Variants in TMEM259 observed in about 807,000 individuals in gnomAD.
TMEM259 encodes the protein membralin.
Under a neutral mutation model 46.7 loss-of-function variants are expected in TMEM259, and 26 were observed. The observed-to-expected ratio is 0.56, with a 90% CI of 0.41 to 0.77. The LOEUF (loss-of-function observed/expected upper bound fraction) is 0.77. TMEM259 is among the 30% of genes least tolerant of loss of function. The pLI, the probability that TMEM259 is intolerant of heterozygous loss-of-function variation, is 0.00. For missense variants in TMEM259, 930 were observed against 900.5 expected (o/e 1.03, Z -0.42); for synonymous variants, 494 against 395.1 (o/e 1.25, Z -2.97).
In TMEM259 at chr19:1,013,311, G is replaced by C; in HGVS notation, c.537C>G (p.Phe179Leu). The C allele has an allele frequency of 6.2e-7, 1 of 1,613,750 alleles. No homozygotes were observed. The highest frequency in any genetic ancestry group is 8.5e-7 in the Non-Finnish European group (1 of 1,179,806). The change falls in exon 3 of 11, where the codon TTC becomes TTG. Residue 179 changes from phenylalanine (F) to leucine (L), a missense_variant. Physicochemically the swap from Phe to Leu is conservative, Grantham distance 22 (BLOSUM62 0). Coordinates refer to ENST00000356663, the MANE Select transcript of TMEM259 (RefSeq NM_001033026.2). ...KFELDIEPKV[F>L]KPPSSTEALN... Reference sequence around the variant, plus strand: ...GGGCCTCTGTGCTACTCGGCGGCTTGAACACCTTGGGCTCGATGTCCAGCT... The same window carrying C: ...GGGCCTCTGTGCTACTCGGCGGCTTCAACACCTTGGGCTCGATGTCCAGCT...
chr19:1,016,186 G>A (rs982199208), intron 1 of TMEM259, among the ~76,000 whole-genome samples: 4 of 152,064 alleles, frequency 2.6e-5, no homozygotes, highest in Non-Finnish European at 4.4e-5. Flanking sequence ...AGACGCCGGA[G>A]CTACAAATGA....
Position 1,012,586 on chromosome 19 carries a change from AC to A in TMEM259, c.608-14del. 2 of 1,563,728 alleles carry A rather than the reference AC, an allele frequency of 1.3e-6. No homozygotes were observed. The highest frequency in any genetic ancestry group is 1.7e-6 in the Non-Finnish European group (2 of 1,154,746). On this transcript the variant is annotated splice_polypyrimidine_tract_variant and intron_variant, in intron 3 of 10. Coordinates refer to ENST00000356663, the MANE Select transcript of TMEM259 (RefSeq NM_001033026.2). Reference sequence around the variant, plus strand: ...TCCTGCGGCCACACTGCAGGGCAGAACCAGGGACCAGGTCAGCGCCCCCACA... The same window carrying A: ...TCCTGCGGCCACACTGCAGGGCAGAACAGGGACCAGGTCAGCGCCCCCACA...
chr19:1,010,803 C>A lies in TMEM259; in HGVS notation c.1410G>T (p.Leu470=), dbSNP rs1176829791. Residue 470 remains leucine (L), a synonymous_variant, in exon 11 of 11, where the codon CTG becomes CTT. Transcript: ENST00000356663. ...IQEMLLQAPP[L]GPGTPTALPD... ...GCAGCGCCGTGGGGGTCCCGGGGCC[C>A]AGTGGCGGCGCCTGAAGCAGCATCT... The A allele has an allele frequency of 6.3e-6, 10 of 1,577,576 alleles. No homozygotes were observed. The highest frequency in any genetic ancestry group is 8.5e-6 in the Non-Finnish European group (10 of 1,170,624).
At chr19:1,011,322 C>G in intron 9 of TMEM259, 45 bp downstream of exon 9, 3 of 1,549,710 alleles carry the variant, frequency 1.9e-6, no homozygotes, top group Non-Finnish European at 2.6e-6. Context: ...CCCCCTACCC[C>G]TGCCCACCAG....
chr19:1,018,141 C>T (rs768306461), intron 1 of TMEM259, among the ~76,000 whole-genome samples: 2 of 152,226 alleles, frequency 1.3e-5, no homozygotes, highest in African/African-American at 2.4e-5. Context: ...CCCAACCGCA[C>T]AGGTGCAGGC....
rs565177755 is a variant in TMEM259 at position 1,020,299 on chromosome 19, G to T, written c.225+473C>A. On this transcript the variant is annotated intron_variant, in intron 1 of 10. Coordinates refer to ENST00000356663, the MANE Select transcript of TMEM259 (RefSeq NM_001033026.2). This position sits in a 1 kb window ranked among gnomAD's most constrained non-coding sequence, Gnocchi z 4.0. ...TTGGTCCGAGGGAGACCTGCGTCAG[G>T]CTGGGTTCTGGGCCAGCACATTGGG... Among the ~76,000 whole-genome samples, 46 of 152,176 alleles carry T rather than the reference G, an allele frequency of 3.0e-4. 1 individual carries two copies. The highest frequency in any genetic ancestry group is 1.1e-3 in the African/African-American group (45 of 41,500).
In TMEM259 at chr19:1,011,634, T is replaced by C. The variant is rs1823081533; in HGVS notation, c.1030A>G (p.Met344Val). The stretch of plus-strand genomic sequence containing the variant: ...GGCGCTGCGGGGAAGGCGATGGCCA[T>C]GTTCATCTCCAGCATCTGCAGCAGG... ...VDLLQMLEMNMAIAFPAAPLL... is the reference protein window; with the variant it reads ...VDLLQMLEMNVAIAFPAAPLL... The change falls in exon 8 of 11, where the codon ATG becomes GTG. Residue 344 changes from methionine to valine, a missense_variant. Transcript: ENST00000356663. 3.9e-6 allele frequency: 6 copies of C among 1,547,050 alleles called. No homozygotes were observed. Among genetic ancestry groups the C allele is most frequent in the African/African-American group, 1.4e-5 (1 of 73,056 alleles).
chr19:1,019,768 G>A (rs1030645877), intron 1 of TMEM259, among the ~76,000 whole-genome samples: 2 of 152,198 alleles, frequency 1.3e-5, no homozygotes, highest in African/African-American at 4.8e-5. Context: ...AGCTCACGGC[G>A]CAACTTCAGC....
intron 1 of TMEM259, chr19:1,017,533 CT>C: frequency 2.5e-6 from 1 of 398,164 alleles, no homozygotes; most frequent in Non-Finnish European, 4.4e-6. Context: ...CACCCCACCC[CT>C]ATGACCCTTC....
rs2038942875 is a variant in TMEM259, at chr19:1,011,887, C to T, written c.942+5G>A. 2 of 1,607,422 alleles carry T rather than the reference C, an allele frequency of 1.2e-6. No homozygotes were observed. Among genetic ancestry groups the T allele is most frequent in the Non-Finnish European group, 1.7e-6 (2 of 1,176,354 alleles). On this transcript the variant is annotated splice_donor_5th_base_variant and intron_variant, in intron 6 of 10. Transcript: ENST00000356663. ...CAGCCCCCGCACCCGCCCCGAGGCA[C>T]TCACGAAGATGACCATGATGGCGAA...
At chr19:1,012,428 C>A in intron 4 of TMEM259, 35 bp downstream of exon 4, 1 of 1,551,472 alleles carries the variant, frequency 6.4e-7, no homozygotes, top group South Asian at 1.2e-5. Context: ...GAGGCCCCGC[C>A]ATGGAGCTCC....
rs1465509397 is a variant in TMEM259, at chr19:1,020,563, G to A, written c.225+209C>T. On this transcript the variant is annotated intron_variant, in intron 1 of 10. Transcript: ENST00000356663. This position sits in a 1 kb window ranked among gnomAD's most constrained non-coding sequence, Gnocchi z 4.0. Reference sequence around the variant, plus strand: ...CCTTCCCGGGTGGACGTCCCCGGGCGGGATGGGGTCACGAGACGGTGTCCC... The same window carrying A: ...CCTTCCCGGGTGGACGTCCCCGGGCAGGATGGGGTCACGAGACGGTGTCCC... Among the ~76,000 whole-genome samples the A allele has an allele frequency of 6.6e-6, 1 of 152,142 alleles. No individual in the cohort carries two copies. Among genetic ancestry groups the A allele is most frequent in the Non-Finnish European group, 1.5e-5 (1 of 68,010 alleles).
chr19:1,011,833 T>C lies in TMEM259; in HGVS notation c.943-35A>G, dbSNP rs751864414. 14 of 1,587,696 alleles carry C rather than the reference T, an allele frequency of 8.8e-6. No individual in the cohort carries two copies. The East Asian group carries it at 3.2e-4, about 36-fold the overall frequency. ...GCGCGCAGGAAGCGCTATGAGGGGC[T>C]GCGAGGGCCTGCTTGGCTCCCGCCC... On this transcript the variant is annotated intron_variant, in intron 6 of 10. Coordinates refer to ENST00000356663, the MANE Select transcript of TMEM259 (RefSeq NM_001033026.2).
chr19:1,012,477 A>C lies in TMEM259; in HGVS notation c.704T>G (p.Met235Arg). The C allele has an allele frequency of 6.2e-7, 1 of 1,604,184 alleles. No individual in the cohort carries two copies. Among genetic ancestry groups the C allele is most frequent in the Non-Finnish European group, 8.5e-7 (1 of 1,176,856 alleles). The change falls in exon 4 of 11, where the codon ATG (methionine) becomes AGG (arginine). Residue 235 changes from methionine to arginine, a missense_variant. Physicochemically the swap from Met to Arg is moderately conservative, Grantham distance 91. Transcript: ENST00000356663. ...CTCAGACTCACCCAGGGTGACCACC[A>C]TGACGGGGATGCTCAGGCGCTGGCG... ...ATRQRLSIPV[M>R]VVTLDPTRDQ...
At position 1,011,645 on chromosome 19, in the gene TMEM259, A is replaced by G. The variant is rs892311050; in HGVS notation, c.1019T>C (p.Leu340Pro). ...GAAGGCGATGGCCATGTTCATCTCC[A>G]GCATCTGCAGCAGGTCCACTGCGGG... The part of the protein sequence containing the change: ...FVFIVDLLQM[L>P]EMNMAIAFPA... The change falls in exon 8 of 11, where the codon CTG becomes CCG. Residue 340 changes from leucine (L) to proline (P), a missense_variant. By Grantham distance (98) the Leu-to-Pro change is moderately conservative. Coordinates refer to ENST00000356663, the MANE Select transcript of TMEM259 (RefSeq NM_001033026.2). 6.5e-7 allele frequency: 1 copy of G among 1,546,612 alleles called. No individual in the cohort carries two copies. Among genetic ancestry groups the G allele is most frequent in the Non-Finnish European group, 8.7e-7 (1 of 1,144,944 alleles).
In TMEM259 at chr19:1,010,621, G is replaced by A. The variant is rs1348962155; in HGVS notation, c.1592C>T (p.Ala531Val). 1.2e-5 allele frequency: 18 copies of A among 1,548,060 alleles called. No individual in the cohort carries two copies. The highest frequency in any genetic ancestry group is 1.4e-5 in the Non-Finnish European group (16 of 1,149,342). ...ACCCAGGTCACCACCGGCAGCTGCT[G>A]CCACTGAGGCTGCCGCGGCCACCAG... Reference protein sequence around the residue: ...SSLVAAAASVAAAAGGDLGWM... With the variant: ...SSLVAAAASVVAAAGGDLGWM... The change falls in exon 11 of 11, where the codon GCA becomes GTA. Residue 531 changes from alanine (A) to valine (V), a missense_variant. Physicochemically the swap from Ala to Val is moderately conservative, Grantham distance 64. Coordinates refer to ENST00000356663, the MANE Select transcript of TMEM259 (RefSeq NM_001033026.2).
At position 1,011,512 on chromosome 19, in the gene TMEM259, G is replaced by A; in HGVS notation, c.1085-13C>T. 1 of 1,546,708 alleles carries A rather than the reference G, an allele frequency of 6.5e-7. No homozygotes were observed. The highest frequency in any genetic ancestry group is 8.7e-7 in the Non-Finnish European group (1 of 1,146,364). On this transcript the variant is annotated splice_polypyrimidine_tract_variant and intron_variant, in intron 8 of 10. Transcript: ENST00000356663. ...ATGGCCTCCATCCCTGCAGGGAGAGGCGGCGCCGGTTGAAGCGGGCGGGGC... is the reference window on the plus strand; with the variant it reads ...ATGGCCTCCATCCCTGCAGGGAGAGACGGCGCCGGTTGAAGCGGGCGGGGC...
In TMEM259 at chr19:1,021,025, G is replaced by T. The variant is rs1295615125; in HGVS notation, c.-29C>A. 1.0e-5 allele frequency: 14 copies of T among 1,348,582 alleles called. No homozygotes were observed. The highest frequency in any genetic ancestry group is 1.5e-5 in the African/African-American group (1 of 65,410). 83.5% of individuals were successfully genotyped at this position (1,348,582 alleles called of 1,614,324 possible). A position where few individuals can be genotyped will look rare whatever the true frequency, so the allele number is the denominator to read the frequency against. On this transcript the variant is annotated 5_prime_UTR_variant, in exon 1 of 11. Transcript: ENST00000356663. ...TCCCAGCGTCGCGCCCTAACGACCC[G>T]CAAGTGTCCGAGGGCGCCTCCCGGC...
rs2039238120 is a variant in TMEM259 at position 1,020,056 on chromosome 19, C to T, written c.225+716G>A. 1.3e-5 allele frequency among the ~76,000 whole-genome samples: 2 copies of T among 152,036 alleles called. No individual in the cohort carries two copies. Among genetic ancestry groups the T allele is most frequent in the Non-Finnish European group, 2.9e-5 (2 of 67,988 alleles). On this transcript the variant is annotated intron_variant, in intron 1 of 10. Coordinates refer to ENST00000356663, the MANE Select transcript of TMEM259 (RefSeq NM_001033026.2). This position sits in a 1 kb window ranked among gnomAD's most constrained non-coding sequence, Gnocchi z 4.0. ...TCATAGGGGAGGCACGGGCGACAGA[C>T]CCACAACCTGAGCTCCTGAAGCAGG...
Sources: gnomAD v4.1 joint callset for allele counts (sites outside exome capture counted in the v4.1 genomes callset) on GRCh38, gnomAD v4.1.1 for gene constraint, Gnocchi (gnomAD v3.1) non-coding constraint, MANE v1.5 for transcripts, NCBI Gene and HGNC (gene_info 2026-07-23, HGNC 2026-07-21) for gene names.